Variants in MYBPC1 observed in about 807,000 individuals in gnomAD.
The protein encoded by MYBPC1 is myosin binding protein C1.
In MYBPC1, 52 loss-of-function variants were observed where a neutral mutation model predicts 147.1. That is an observed-to-expected ratio of 0.35 (90% CI 0.28 to 0.45). The LOEUF is 0.45. Among genes scored for constraint, MYBPC1 ranks in the 20% least tolerant of loss-of-function variants. The pLI, the probability that MYBPC1 is intolerant of heterozygous loss-of-function variation, is 1.00. For synonymous variants in MYBPC1, 477 were observed against 475.9 expected (o/e 1.00, Z -0.03); for missense variants, 1,228 against 1,440.3 (o/e 0.85, Z 2.39).
At chr12:101,693,857 G>A in the MYBPC1 span, among the ~76,000 whole-genome samples, 1 of 152,204 alleles carries the variant, frequency 6.6e-6, no homozygotes, top group Non-Finnish European at 1.5e-5. Flanking sequence ...ATGTGGCCAG[G>A]CTCTGGCCAA....
intron 1 of MYBPC1, among the ~76,000 whole-genome samples, chr12:101,601,425 A>G (rs1879906747): frequency 2.6e-5 from 4 of 152,328 alleles, no homozygotes; most frequent in Admixed American, 2.6e-4. Context: ...TATGGGCTTT[A>G]ACGTACATTT....
chr12:101,613,086 A>G (rs1021852851), intron 1 of MYBPC1, among the ~76,000 whole-genome samples: 1 of 152,214 alleles, frequency 6.6e-6, no homozygotes, highest in Non-Finnish European at 1.5e-5. Flanking sequence ...AAACTTATTT[A>G]TGGCCATCTG....
intron 30 of MYBPC1, 98 bp from the exon 31 acceptor site, chr12:101,684,284 C>A: frequency 2.1e-6 from 2 of 945,292 alleles, no homozygotes; most frequent in Non-Finnish European, 3.4e-6. Flanking sequence ...TCTTCATAAT[C>A]ATGACCATAA....
intron 1 of MYBPC1, among the ~76,000 whole-genome samples, chr12:101,603,510 G>C (rs2135598098): frequency 6.6e-6 from 1 of 152,240 alleles, no homozygotes; most frequent in Non-Finnish European, 1.5e-5. Flanking sequence ...TATTGCGGTG[G>C]AATTTTATTT....
chr12:101,642,394 C>T (rs1201316643), intron 10 of MYBPC1, 25 bp from the exon 11 acceptor site: 23 of 1,613,382 alleles, frequency 1.4e-5, no homozygotes, highest in East Asian at 4.5e-5. Context: ...AGCTACTAAA[C>T]TAGACCATGG....
intron 11 of MYBPC1, among the ~76,000 whole-genome samples, chr12:101,644,102 T>A (rs1455096734): frequency 1.3e-5 from 2 of 152,176 alleles, no homozygotes; most frequent in Non-Finnish European, 2.9e-5. Context: ...AGTGGCATGA[T>A]CTCAGCTCAC....
chr12:101,618,089 G>T (rs1321198062), intron 3 of MYBPC1, among the ~76,000 whole-genome samples: 1 of 152,198 alleles, frequency 6.6e-6, no homozygotes, highest in Non-Finnish European at 1.5e-5. Context: ...ACTGCAACAA[G>T]AAGTTTCTCT....
chr12:101,626,717 G>T, intron 3 of MYBPC1, 155 bp from the exon 4 acceptor site: 2 of 706,624 alleles, frequency 2.8e-6, no homozygotes, highest in South Asian at 1.6e-5. Flanking sequence ...AAAAACTCAG[G>T]TTTCACTTTT....
Position 101,653,205 on chromosome 12 carries a change from G to A in MYBPC1, c.1724G>A (p.Ser575Asn). ...GNKLRLEIPISGEPPPKAMWS... is the reference protein window; with the variant it reads ...GNKLRLEIPINGEPPPKAMWS... The stretch of plus-strand genomic sequence containing the variant: ...AAGCTTCGTCTTGAGATCCCCATCA[G>A]CGGAGAACCACCTCCTAAAGCCATG... The change falls in exon 18 of 32, where the codon AGC becomes AAC. Residue 575 changes from serine (S) to asparagine (N), a missense_variant. Transcript: ENST00000361466. The A allele has an allele frequency of 6.2e-7, 1 of 1,614,138 alleles. No individual in the cohort carries two copies. The highest frequency in any genetic ancestry group is 8.5e-7 in the Non-Finnish European group (1 of 1,180,020).
rs1896499464 is a variant in MYBPC1 at position 101,661,242 on chromosome 12, A to G, written c.2012A>G (p.Asp671Gly). Residue 671 changes from aspartate to glycine, a missense_variant, in exon 20 of 32, where the codon GAC (aspartate) becomes GGC (glycine). By Grantham distance (94) the Asp-to-Gly change is moderately conservative. Coordinates refer to ENST00000361466, the MANE Select transcript of MYBPC1 (RefSeq NM_002465.4). The stretch of plus-strand genomic sequence containing the variant: ...ATGAACTGGGAGCCTCCTGCCTACG[A>G]CGGAGGCTCTCCAATCCTAGGTAAC... ...CIMNWEPPAY[D>G]GGSPILGYFI... The G allele has an allele frequency of 6.2e-7, 1 of 1,612,226 alleles. No homozygotes were observed.
At chr12:101,657,922 A>G (rs1358430186) in intron 18 of MYBPC1, among the ~76,000 whole-genome samples, 1 of 152,174 alleles carries the variant, frequency 6.6e-6, no homozygotes, top group African/African-American at 2.4e-5. Context: ...CGAGGTCAGG[A>G]GATCGAGACC....
chr12:101,600,149 G>A (rs950923439), intron 1 of MYBPC1, among the ~76,000 whole-genome samples: 5 of 152,194 alleles, frequency 3.3e-5, no homozygotes, highest in East Asian at 3.8e-4. Context: ...AGTGAAGTCA[G>A]GAGTAAGGGA....
At chr12:101,603,370 C>T (rs1405552304) in intron 1 of MYBPC1, among the ~76,000 whole-genome samples, 1 of 151,258 alleles carries the variant, frequency 6.6e-6, no homozygotes, top group African/African-American at 2.4e-5. Flanking sequence ...GAAGATTTCT[C>T]TCTCTTATCA....
intron 1 of MYBPC1, among the ~76,000 whole-genome samples, chr12:101,597,302 C>G (rs1565866838): frequency 6.6e-6 from 1 of 152,196 alleles, no homozygotes; most frequent in Non-Finnish European, 1.5e-5. Flanking sequence ...CCATATGGGT[C>G]TTCTGAACTC....
intron 10 of MYBPC1, among the ~76,000 whole-genome samples, chr12:101,640,286 A>G (rs1163074957): frequency 6.6e-6 from 1 of 152,190 alleles, no homozygotes; most frequent in African/African-American, 2.4e-5. Context: ...TGCTGGGATT[A>G]CAAGACTGAG....
At chr12:101,649,467 T>C in intron 15 of MYBPC1, 41 bp downstream of exon 15, 1 of 1,602,862 alleles carries the variant, frequency 6.2e-7, no homozygotes, top group Non-Finnish European at 8.5e-7. Flanking sequence ...GTGGGCTTAT[T>C]AATGATGGTT....
chr12:101,665,203 A>G (rs1391898475), intron 22 of MYBPC1, among the ~76,000 whole-genome samples: 1 of 152,282 alleles, frequency 6.6e-6, no homozygotes, highest in Admixed American at 6.5e-5. Flanking sequence ...ATACATATGT[A>G]TATGTACACA....
rs1027515397 is a variant in MYBPC1, at chr12:101,683,455, A to C, written c.3492+793A>C. ...AAAAATAAAAAAAATAAATTGGGAA[A>C]CTTACATATTTAAAATATTCCCATT... On this transcript the variant is annotated intron_variant, in intron 30 of 31. Coordinates refer to ENST00000361466, the MANE Select transcript of MYBPC1 (RefSeq NM_002465.4). Among the ~76,000 whole-genome samples, 5 of 152,280 alleles carry C rather than the reference A, an allele frequency of 3.3e-5. No individual in the cohort carries two copies. The South Asian group carries it at 1.0e-3, about 32-fold the overall frequency.
At chr12:101,600,797 GT>G (rs1463656776) in intron 1 of MYBPC1, among the ~76,000 whole-genome samples, 48 of 152,118 alleles carry the variant, frequency 3.2e-4, no homozygotes, top group African/African-American at 1.2e-3. Context: ...ATGTTCTGTG[GT>G]AATTCTAAAC....
Sources: allele counts gnomAD v4.1 joint callset (sites outside exome capture counted in the v4.1 genomes callset), GRCh38; gene constraint gnomAD v4.1.1; transcripts MANE v1.5; gene names NCBI Gene and HGNC (gene_info 2026-07-23, HGNC 2026-07-21).